Variants in SDC4 observed in about 807,000 individuals in gnomAD.
SDC4 encodes syndecan 4.
SDC4 carries 17 observed loss-of-function variants against 20.5 expected under a neutral mutation model. The ratio of observed to expected loss-of-function variants is 0.83; its 90% CI spans 0.57 to 1.25. SDC4 has a LOEUF of 1.25. SDC4 is among the 50% of genes most tolerant of loss of function. SDC4 has a pLI of 0.00. For missense variants in SDC4, 241 were observed against 252.3 expected, an observed-to-expected ratio of 0.96 and a Z score of 0.30; for synonymous variants, 107 against 105.3, an observed-to-expected ratio of 1.02 and a Z score of -0.10.
rs554187495 is a variant in SDC4 at position 45,335,655 on chromosome 20, G to A, written c.199+127C>T. The A allele has an allele frequency of 2.1e-4, 202 of 962,692 alleles. 2 individuals carry two copies. In the South Asian group the frequency reaches 2.9e-3, roughly 14 times the overall value. 59.6% of individuals were successfully genotyped at this position (962,692 alleles called of 1,614,324 possible). A position where few individuals can be genotyped will look rare whatever the true frequency, so the allele number is the denominator to read the frequency against. On this transcript the variant is annotated intron_variant, in intron 2 of 4. Transcript: ENST00000372733. ...CTTTTGTTTCCCCTTTTTTTGAGAA[G>A]GAAGAAGGGCACTCTAGGAAAAGTC...
intron 4 of SDC4, among the ~76,000 whole-genome samples, chr20:45,328,187 T>C (rs1157761101): frequency 1.3e-5 from 2 of 152,196 alleles, no homozygotes; most frequent in East Asian, 3.8e-4. Context: ...AGTGCACACA[T>C]GCAGAACATA....
chr20:45,329,080 G>A (rs1382581872), intron 4 of SDC4, among the ~76,000 whole-genome samples: 5 of 152,170 alleles, frequency 3.3e-5, no homozygotes, highest in East Asian at 1.9e-4. Context: ...TGTGTTGTAC[G>A]GACTCAATCA....
At chr20:45,343,501 A>G (rs918249051) in intron 1 of SDC4, among the ~76,000 whole-genome samples, 1 of 152,202 alleles carries the variant, frequency 6.6e-6, no homozygotes, top group Non-Finnish European at 1.5e-5. Flanking sequence ...ACTGTTCAGC[A>G]TGAGGCTCCA....
intron 4 of SDC4, 70 bp downstream of exon 4, chr20:45,330,296 C>A: frequency 7.1e-7 from 1 of 1,413,872 alleles, no homozygotes; most frequent in Admixed American, 1.7e-5. Flanking sequence ...GCATCCCTGC[C>A]TGCAGGTGCT....
intron 1 of SDC4, chr20:45,345,793 G>A (rs1336508936): frequency 6.6e-6 from 1 of 152,334 alleles, no homozygotes; most frequent in Non-Finnish European, 1.5e-5. Context: ...AGGCAGATCA[G>A]GGAATGCTCC....
At chr20:45,344,042 G>C (rs2251358) in intron 1 of SDC4, among the ~76,000 whole-genome samples, 20,757 of 152,172 alleles carry the variant, frequency 0.14, 2,065 homozygotes, top group East Asian at 0.46. Flanking sequence ...GAAGCAAAGA[G>C]GAGTCCTCAC....
chr20:45,345,951 AG>A (rs1288314847), intron 1 of SDC4: 1 of 152,174 alleles, frequency 6.6e-6, no homozygotes, highest in Non-Finnish European at 1.5e-5. Context: ...CCACAATGGG[AG>A]GGCTACTAGT....
chr20:45,339,225 A>G (rs1275162013), intron 1 of SDC4, among the ~76,000 whole-genome samples: 2 of 152,176 alleles, frequency 1.3e-5, no homozygotes, highest in Non-Finnish European at 2.9e-5. Flanking sequence ...GATAAAGCCC[A>G]TTGAGTCTGG....
chr20:45,341,743 C>T (rs1987955770), intron 1 of SDC4, among the ~76,000 whole-genome samples: 1 of 152,104 alleles, frequency 6.6e-6, no homozygotes, highest in Non-Finnish European at 1.5e-5. Flanking sequence ...TGCCTGCAAC[C>T]AGCTTTTCAC....
At chr20:45,332,492 A>C (rs1365839244) in intron 3 of SDC4, among the ~76,000 whole-genome samples, 1 of 152,036 alleles carries the variant, frequency 6.6e-6, no homozygotes, top group Non-Finnish European at 1.5e-5. Flanking sequence ...ATGCTAGGAA[A>C]TAGCTATAAA....
In SDC4 at chr20:45,348,413, G is replaced by T; in HGVS notation, c.-29C>A. 1.3e-6 allele frequency: 2 copies of T among 1,522,456 alleles called. No homozygotes were observed. Among genetic ancestry groups the T allele is most frequent in the Non-Finnish European group, 1.8e-6 (2 of 1,137,850 alleles). The allele number at this position is 1,522,456 out of a possible 1,614,324, so 94.3% of individuals were successfully genotyped here. On this transcript the variant is annotated 5_prime_UTR_variant, in exon 1 of 5. Transcript: ENST00000372733. Reference sequence around the variant, plus strand: ...ACCGCGGACTGGAGAAGGCGCGCAGGCTGCGGCGAGTGGCCCCGGGCGGGC... The same window carrying T: ...ACCGCGGACTGGAGAAGGCGCGCAGTCTGCGGCGAGTGGCCCCGGGCGGGC...
intron 1 of SDC4, among the ~76,000 whole-genome samples, chr20:45,343,259 C>T (rs1452344194): frequency 6.6e-6 from 1 of 152,200 alleles, no homozygotes; most frequent in Non-Finnish European, 1.5e-5. Flanking sequence ...TCTCCTCCCT[C>T]TCTAGGGCAC....
intron 1 of SDC4, among the ~76,000 whole-genome samples, chr20:45,336,339 G>A (rs2145712556): frequency 6.6e-6 from 1 of 152,306 alleles, no homozygotes; most frequent in South Asian, 2.1e-4. Context: ...CTTGAACCCG[G>A]GAGGCGGAGG....
chr20:45,329,114 A>AC (rs1267261562), intron 4 of SDC4, among the ~76,000 whole-genome samples: 1 of 152,224 alleles, frequency 6.6e-6, no homozygotes, highest in African/African-American at 2.4e-5. Context: ...CATACAGCAT[A>AC]CAGCAAGCAT....
At chr20:45,344,612 C>T (rs1470430390) in intron 1 of SDC4, among the ~76,000 whole-genome samples, 1 of 152,182 alleles carries the variant, frequency 6.6e-6, no homozygotes, top group East Asian at 1.9e-4. Context: ...CAGGCAGGCT[C>T]AGCACTCCAA....
At chr20:45,331,105 C>A (rs1418201835) in intron 3 of SDC4, among the ~76,000 whole-genome samples, 1 of 152,170 alleles carries the variant, frequency 6.6e-6, no homozygotes, top group Non-Finnish European at 1.5e-5. Flanking sequence ...GGGTCTGGAT[C>A]GGGACCCCTT....
In SDC4 at chr20:45,325,524, GA is replaced by G. The variant is rs1353515454; in HGVS notation, c.*1739del. The G allele has an allele frequency of 6.6e-6, 1 of 152,544 alleles. No individual in the cohort carries two copies. The highest frequency in any genetic ancestry group is 1.5e-5 in the Non-Finnish European group (1 of 68,052). 9.4% of individuals were successfully genotyped at this position (152,544 alleles called of 1,614,324 possible). ...TCACCGCAGCCACTGGGGTCAGGAGGAGACACGACCTGCCCAGGCTAAGCCA... is the reference window on the plus strand; with the variant it reads ...TCACCGCAGCCACTGGGGTCAGGAGGGACACGACCTGCCCAGGCTAAGCCA... On this transcript the variant is annotated 3_prime_UTR_variant, in exon 5 of 5. Transcript: ENST00000372733.
At chr20:45,347,581 T>C (rs530297318) in intron 1 of SDC4, among the ~76,000 whole-genome samples, 18 of 152,038 alleles carry the variant, frequency 1.2e-4, no homozygotes, top group Admixed American at 5.9e-4. Flanking sequence ...TTATCTGCAA[T>C]TGAGAAAAAA....
intron 1 of SDC4, among the ~76,000 whole-genome samples, chr20:45,339,439 A>T (rs1987922574): frequency 6.6e-6 from 1 of 152,212 alleles, no homozygotes; most frequent in Non-Finnish European, 1.5e-5. Flanking sequence ...TTTCATGAAC[A>T]CACAACAGAA....
Sources: gnomAD v4.1 joint callset for allele counts (sites outside exome capture counted in the v4.1 genomes callset) on GRCh38, gnomAD v4.1.1 for gene constraint, MANE v1.5 for transcripts, NCBI Gene and HGNC (gene_info 2026-07-23, HGNC 2026-07-21) for gene names.